The following KLHL1 variants were observed in gnomAD, a reference collection of about 807,000 sequenced individuals.
KLHL1 encodes kelch like family member 1.
Under a neutral mutation model 77.7 loss-of-function variants are expected in KLHL1, and 47 were observed. The observed-to-expected ratio is 0.60, with a 90% confidence interval of 0.48 to 0.77. The LOEUF is 0.77. KLHL1 is among the 30% of genes least tolerant of loss of function. KLHL1 has a pLI of 0.00. For missense variants in KLHL1, 925 were observed against 910.8 expected, an observed-to-expected ratio of 1.02 and a Z score of -0.20; for synonymous variants, 360 against 325.2, an observed-to-expected ratio of 1.11 and a Z score of -1.15.
rs1354553786 is a variant in KLHL1, at chr13:69,701,250, A to G, written c.*452T>C. ...CCCGTTATGACCACATATGATTAGA[A>G]AAACAGTAAACCAATCAGATACTGT... On this transcript the variant is annotated 3_prime_UTR_variant, in exon 11 of 11. Transcript: ENST00000377844. 6.5e-6 allele frequency: 1 copy of G among 152,814 alleles called. No individual in the cohort carries two copies. Among genetic ancestry groups the G allele is most frequent in the Non-Finnish European group, 1.5e-5 (1 of 68,300 alleles). The allele number at this position is 152,814 out of a possible 1,614,324, so 9.5% of individuals were successfully genotyped here.
intron 7 of KLHL1, among the ~76,000 whole-genome samples, chr13:69,753,578 T>C (rs1874578690): frequency 6.6e-6 from 1 of 152,178 alleles, no homozygotes; most frequent in Non-Finnish European, 1.5e-5. Context: ...ATTTTATTTT[T>C]CAATATGACA....
chr13:69,913,385 T>C (rs1489056650), intron 4 of KLHL1, among the ~76,000 whole-genome samples: 1 of 152,176 alleles, frequency 6.6e-6, no homozygotes, highest in Non-Finnish European at 1.5e-5. Flanking sequence ...CCATGGCCAC[T>C]GCTCCTTGCT....
intron 1 of KLHL1, among the ~76,000 whole-genome samples, chr13:70,068,293 A>T (rs1437639455): frequency 6.6e-6 from 1 of 152,130 alleles, no homozygotes; most frequent in Non-Finnish European, 1.5e-5. Context: ...GTGAGCCGAG[A>T]TCGCGCCACT....
intron 1 of KLHL1, among the ~76,000 whole-genome samples, chr13:70,057,782 CAAAAAAAAAA>C (rs60920874): frequency 1.6e-4 from 10 of 62,274 alleles, no homozygotes; most frequent in South Asian, 9.5e-4. Context: ...GACTCCGTCT[CAAAAAAAAAA>C]AAAAAAAAAA....
At chr13:69,718,184 T>A (rs928905191) in intron 9 of KLHL1, among the ~76,000 whole-genome samples, 5 of 152,168 alleles carry the variant, frequency 3.3e-5, no homozygotes, top group African/African-American at 4.8e-5. Flanking sequence ...AGGAAAATTT[T>A]TCTGCTGTCA....
rs188030008 is a variant in KLHL1 at position 69,803,628 on chromosome 13, A to C, written c.1415-6666T>G. Among the ~76,000 whole-genome samples the C allele has an allele frequency of 5.9e-5, 9 of 152,328 alleles. No homozygotes were observed. The East Asian group carries it at 1.7e-3, about 29-fold the overall frequency. Reference sequence around the variant, plus strand: ...CTGGCCTTGATGACGTGATCCCCTGAAAGTGAGAGATTTTCTTCAGGCTAG... The same window carrying C: ...CTGGCCTTGATGACGTGATCCCCTGCAAGTGAGAGATTTTCTTCAGGCTAG... On this transcript the variant is annotated intron_variant, in intron 6 of 10. Coordinates refer to ENST00000377844, the MANE Select transcript of KLHL1 (RefSeq NM_020866.3).
chr13:69,804,926 T>C (rs922158340), intron 6 of KLHL1, among the ~76,000 whole-genome samples: 2 of 152,122 alleles, frequency 1.3e-5, no homozygotes, highest in African/African-American at 4.8e-5. Flanking sequence ...CACATAAGAC[T>C]TCAAGCTTTA....
chr13:70,024,925 C>A (rs377487390), intron 1 of KLHL1, among the ~76,000 whole-genome samples: 5 of 151,856 alleles, frequency 3.3e-5, no homozygotes, highest in African/African-American at 1.2e-4. Flanking sequence ...GAAGGACAAT[C>A]CCAGGAATAA....
chr13:70,008,337 G>C (rs540480090), intron 1 of KLHL1, among the ~76,000 whole-genome samples: 2 of 152,066 alleles, frequency 1.3e-5, no homozygotes, highest in Admixed American at 6.6e-5. Context: ...ACATGCACTT[G>C]TGCCTCATAG....
At chr13:70,031,512 T>C (rs1381020343) in intron 1 of KLHL1, among the ~76,000 whole-genome samples, 3 of 152,222 alleles carry the variant, frequency 2.0e-5, no homozygotes, top group Admixed American at 2.0e-4. Flanking sequence ...AAAATATTTT[T>C]TCTTCCCTTA....
At chr13:69,966,478 C>T (rs1236952561) in intron 2 of KLHL1, among the ~76,000 whole-genome samples, 3 of 152,140 alleles carry the variant, frequency 2.0e-5, no homozygotes, top group African/African-American at 4.8e-5. Context: ...CTCAAGAGCT[C>T]TGACAGAGAT....
At chr13:69,974,603 A>G (rs1157518291) in intron 2 of KLHL1, among the ~76,000 whole-genome samples, 2 of 152,088 alleles carry the variant, frequency 1.3e-5, no homozygotes, top group African/African-American at 4.8e-5. Flanking sequence ...TGAGCATTTG[A>G]TGTGTTAATA....
At chr13:69,911,964 C>T (rs1882254526) in intron 4 of KLHL1, among the ~76,000 whole-genome samples, 1 of 152,130 alleles carries the variant, frequency 6.6e-6, no homozygotes. Context: ...CTGGGGCAAT[C>T]TGAAGTATAA....
chr13:70,024,632 C>CTT (rs1566508861), intron 1 of KLHL1, among the ~76,000 whole-genome samples: 39 of 84,704 alleles, frequency 4.6e-4, no homozygotes, highest in African/African-American at 2.0e-3. Flanking sequence ...CTCTCTCTCT[C>CTT]TCTCTCTCTC....
intron 10 of KLHL1, 94 bp downstream of exon 10, chr13:69,707,531 T>C: frequency 8.5e-7 from 1 of 1,180,554 alleles, no homozygotes; most frequent in East Asian, 2.4e-5. Context: ...TTAGGGTAAT[T>C]AGACTAGATT....
intron 1 of KLHL1, among the ~76,000 whole-genome samples, chr13:69,992,380 G>C (rs1003731979): frequency 6.6e-6 from 1 of 151,918 alleles, no homozygotes; most frequent in Non-Finnish European, 1.5e-5. Flanking sequence ...TAACTGATAA[G>C]TGCTGACATA....
intron 7 of KLHL1, among the ~76,000 whole-genome samples, chr13:69,751,274 A>C (rs749574739): frequency 3.3e-4 from 50 of 151,996 alleles, no homozygotes; most frequent in South Asian, 4.1e-4. Flanking sequence ...TCATGGATTC[A>C]TTCTTCATCA....
rs35332261 is a variant in KLHL1, at chr13:69,797,827, T to TAAA, written c.1415-868_1415-866dup. Among the ~76,000 whole-genome samples the TAAA allele has an allele frequency of 4.6e-3, 604 of 130,696 alleles. 5 individuals are homozygous for TAAA. The highest frequency in any genetic ancestry group is 0.011 in the East Asian group (48 of 4,506). 85.7% of individuals were successfully genotyped at this position (130,696 alleles called of 152,430 possible). ...CTGGGTGACAGAGCGAGACTCCATC[T>TAAA]AAAAAAAAAAAAAAAAAATCTGGGG... On this transcript the variant is annotated intron_variant, in intron 6 of 10. Transcript: ENST00000377844.
intron 1 of KLHL1, among the ~76,000 whole-genome samples, chr13:69,979,168 C>CAAAA (rs11433328): frequency 8.5e-5 from 12 of 141,188 alleles, no homozygotes; most frequent in African/African-American, 3.0e-4. Context: ...ATAAGAGGCT[C>CAAAA]AAAAAAAAAA....
Sources: gnomAD v4.1 joint callset for allele counts (sites outside exome capture counted in the v4.1 genomes callset) on GRCh38, gnomAD v4.1.1 for gene constraint, MANE v1.5 for transcripts, NCBI Gene and HGNC (gene_info 2026-07-23, HGNC 2026-07-21) for gene names.